L3MBTL4: variants seen among roughly 807,000 people sequenced by gnomAD.
The protein encoded by L3MBTL4 is L3MBTL histone methyl-lysine binding protein 4.
Under a neutral mutation model 84.5 loss-of-function variants are expected in L3MBTL4, and 70 were observed. That is an observed-to-expected ratio of 0.83 (90% CI 0.68 to 1.01). The LOEUF is 1.01. L3MBTL4 is among the 50% of genes least tolerant of loss of function. The pLI is 0.00. For synonymous variants in L3MBTL4, 274 were observed against 259.8 expected, an observed-to-expected ratio of 1.05 and a Z score of -0.52; for missense variants, 715 against 754.8, an observed-to-expected ratio of 0.95 and a Z score of 0.62.
chr18:6,029,696 C>T (rs2145587885), intron 16 of L3MBTL4: 1 of 985,162 alleles, frequency 1.0e-6, no homozygotes. Flanking sequence ...GTCAAGTTCA[C>T]AAAGGGTAAA....
chr18:6,379,658 A>AT (rs2054515979), intron 1 of L3MBTL4, among the ~76,000 whole-genome samples: 1 of 152,132 alleles, frequency 6.6e-6, no homozygotes, highest in African/African-American at 2.4e-5. Flanking sequence ...TGCATCCCAG[A>AT]TATGAAGCCG....
chr18:6,041,855 GCTGGGACTATAGGTGTGTGCCAC>G (rs1428070882), intron 16 of L3MBTL4, among the ~76,000 whole-genome samples: 1 of 151,968 alleles, frequency 6.6e-6, no homozygotes, highest in East Asian at 1.9e-4. Context: ...CTCCTGAGTA[GCTGGGACTATAGGTGTGTGCCAC>G]CATGCCTGGC....
In L3MBTL4 at chr18:5,955,628, A is replaced by G. The variant is rs540406546; in HGVS notation, c.*592T>C. 1.3e-5 allele frequency: 2 copies of G among 152,374 alleles called. No individual in the cohort carries two copies. The highest frequency in any genetic ancestry group is 4.1e-4 in the South Asian group (2 of 4,830). 9.4% of individuals were successfully genotyped at this position (152,374 alleles called of 1,614,324 possible). A position where few individuals can be genotyped will look rare whatever the true frequency, so the allele number is the denominator to read the frequency against. ...GCACAACCAAGAAATGGTTAATGGA[A>G]CAAAAAGGAGAATTAATGAATCATG... On this transcript the variant is annotated 3_prime_UTR_variant, in exon 19 of 19. Coordinates refer to ENST00000317931, the MANE Select transcript of L3MBTL4 (RefSeq NM_001330559.2).
intron 1 of L3MBTL4, among the ~76,000 whole-genome samples, chr18:6,361,368 C>T (rs1458222665): frequency 3.3e-5 from 5 of 152,184 alleles, no homozygotes; most frequent in African/African-American, 9.7e-5. Context: ...TGTCTCCCCA[C>T]CGCCGTCTGC....
At chr18:6,071,942 T>G (rs974263439) in intron 16 of L3MBTL4, among the ~76,000 whole-genome samples, 1 of 152,018 alleles carries the variant, frequency 6.6e-6, no homozygotes. Context: ...CTTGGAAGTG[T>G]CACATTAAAT....
At chr18:6,392,326 A>T (rs985350244) in intron 1 of L3MBTL4, among the ~76,000 whole-genome samples, 1 of 152,230 alleles carries the variant, frequency 6.6e-6, no homozygotes, top group African/African-American at 2.4e-5. Context: ...AGGTGGGTGG[A>T]TCACTTGAGA....
intron 11 of L3MBTL4, among the ~76,000 whole-genome samples, chr18:6,214,150 C>T (rs371963773): frequency 6.6e-6 from 1 of 152,182 alleles, no homozygotes. Flanking sequence ...TTTGTCATTT[C>T]ATCTGTAACA....
At chr18:6,236,001 G>A (rs2047201335) in intron 10 of L3MBTL4, among the ~76,000 whole-genome samples, 1 of 152,164 alleles carries the variant, frequency 6.6e-6, no homozygotes, top group Non-Finnish European at 1.5e-5. Flanking sequence ...TTAATATTGT[G>A]AAGATGACAA....
chr18:6,160,628 G>T (rs2043292581), intron 13 of L3MBTL4, among the ~76,000 whole-genome samples: 1 of 151,312 alleles, frequency 6.6e-6, no homozygotes, highest in Non-Finnish European at 1.5e-5. Context: ...CTACCCAAGA[G>T]TATGAGACAG....
intron 1 of L3MBTL4, among the ~76,000 whole-genome samples, chr18:6,336,592 A>G (rs868035869): frequency 6.6e-6 from 1 of 152,214 alleles, no homozygotes; most frequent in African/African-American, 2.4e-5. Flanking sequence ...TGCTTGAGGA[A>G]TAAGGTCCAA....
chr18:6,029,759 T>G (rs1433618721), intron 16 of L3MBTL4: 1 of 985,076 alleles, frequency 1.0e-6, no homozygotes, highest in Admixed American at 6.1e-5. Flanking sequence ...CCAACTGGAA[T>G]GGAAAAAAGT....
intron 1 of L3MBTL4, among the ~76,000 whole-genome samples, chr18:6,340,957 C>T (rs1347643267): frequency 6.6e-6 from 1 of 152,108 alleles, no homozygotes; most frequent in African/African-American, 2.4e-5. Flanking sequence ...GCCCTCATTC[C>T]AGGCCTGGCT....
At chr18:6,322,505 A>AAGGAAGGAAGGAAG (rs1568490402) in intron 1 of L3MBTL4, among the ~76,000 whole-genome samples, 1 of 93,914 alleles carries the variant, frequency 1.1e-5, no homozygotes, top group Non-Finnish European at 2.4e-5. Context: ...AAGGAAGGAA[A>AAGGAAGGAAGGAAG]GAAGGAAAAA....
intron 1 of L3MBTL4, among the ~76,000 whole-genome samples, chr18:6,398,987 G>T (rs867050261): frequency 1.3e-5 from 2 of 152,198 alleles, no homozygotes; most frequent in Non-Finnish European, 2.9e-5. Context: ...CTGCTGGTGG[G>T]TTGGAACATA....
chr18:6,263,143 A>T (rs1444611875), intron 5 of L3MBTL4, among the ~76,000 whole-genome samples: 1 of 151,966 alleles, frequency 6.6e-6, no homozygotes, highest in East Asian at 1.9e-4. Context: ...GGTGGCACGC[A>T]TCTGTAATCC....
intron 10 of L3MBTL4, among the ~76,000 whole-genome samples, chr18:6,223,733 T>C (rs1174020226): frequency 6.6e-6 from 1 of 152,192 alleles, no homozygotes; most frequent in Non-Finnish European, 1.5e-5. Context: ...GTAGAAATGA[T>C]GTAATAAGCT....
chr18:6,023,119 T>C (rs1173191857), intron 16 of L3MBTL4, among the ~76,000 whole-genome samples: 1 of 152,226 alleles, frequency 6.6e-6, no homozygotes, highest in Non-Finnish European at 1.5e-5. Flanking sequence ...GGTCGCTCCC[T>C]GGGCGCTGTT....
intron 13 of L3MBTL4, among the ~76,000 whole-genome samples, chr18:6,148,309 G>C (rs1207592501): frequency 1.3e-5 from 2 of 152,038 alleles, no homozygotes; most frequent in African/African-American, 4.8e-5. Context: ...GTAAAATGTT[G>C]GATTGTTTTA....
chr18:6,150,415 G>A lies in L3MBTL4; in HGVS notation c.1097-12119C>T, dbSNP rs182128837. 9.2e-5 allele frequency among the ~76,000 whole-genome samples: 14 copies of A among 151,402 alleles called. No individual in the cohort carries two copies. The East Asian group carries it at 2.7e-3, about 29-fold the overall frequency. On this transcript the variant is annotated intron_variant, in intron 13 of 18. Coordinates refer to ENST00000317931, the MANE Select transcript of L3MBTL4 (RefSeq NM_001330559.2). ...TTCTTAACAGAAAATGTTATGAGTT[G>A]TTTGAGAATACACACACACACACAC...
Sources: allele counts gnomAD v4.1 joint callset (sites outside exome capture counted in the v4.1 genomes callset), GRCh38; gene constraint gnomAD v4.1.1; transcripts MANE v1.5; gene names NCBI Gene and HGNC (gene_info 2026-07-23, HGNC 2026-07-21).